The following CTNNA3 variants were observed in gnomAD, a reference collection of about 807,000 sequenced individuals.
CTNNA3 encodes catenin alpha 3.
In CTNNA3, 76 loss-of-function variants were observed where a neutral mutation model predicts 95.7. The ratio of observed to expected loss-of-function variants is 0.79; its 90% CI spans 0.66 to 0.96. The LOEUF (loss-of-function observed/expected upper bound fraction) is 0.96. Ranked by LOEUF, CTNNA3 falls within the 40% of genes least tolerant of loss-of-function variation. CTNNA3 has a pLI of 0.00. For missense variants in CTNNA3, 1,191 were observed against 1,089.8 expected, an observed-to-expected ratio of 1.09 and a Z score of -1.31; for synonymous variants, 431 against 374.4, an observed-to-expected ratio of 1.15 and a Z score of -1.74.
intron 1 of CTNNA3, among the ~76,000 whole-genome samples, chr10:67,671,363 T>C (rs896571402): frequency 6.6e-6 from 1 of 152,062 alleles, no homozygotes; most frequent in African/African-American, 2.4e-5. Flanking sequence ...TTTTCTTAAT[T>C]TTATTATTAT....
At chr10:65,925,386 C>T (rs1298056231) in intron 17 of CTNNA3, among the ~76,000 whole-genome samples, 1 of 152,130 alleles carries the variant, frequency 6.6e-6, no homozygotes, top group African/African-American at 2.4e-5. Context: ...GGTTCTCTTC[C>T]TCTCTACCTT....
intron 5 of CTNNA3, among the ~76,000 whole-genome samples, chr10:67,487,636 C>T (rs2133070348): frequency 6.6e-6 from 1 of 152,320 alleles, no homozygotes; most frequent in South Asian, 2.1e-4. Context: ...AGGATGAGCT[C>T]TGAAAAGCTA....
At chr10:67,340,067 C>T (rs1842127520) in intron 5 of CTNNA3, among the ~76,000 whole-genome samples, 1 of 152,112 alleles carries the variant, frequency 6.6e-6, no homozygotes, top group African/African-American at 2.4e-5. Context: ...TATTAATTGT[C>T]CTGCTTATAT....
intron 10 of CTNNA3, among the ~76,000 whole-genome samples, chr10:66,620,797 T>C (rs943482759): frequency 6.6e-6 from 1 of 152,156 alleles, no homozygotes; most frequent in African/African-American, 2.4e-5. Flanking sequence ...GAGATGAAAT[T>C]GTCAGCAAGG....
At chr10:66,456,337 T>A (rs936316775) in intron 11 of CTNNA3, among the ~76,000 whole-genome samples, 1 of 152,172 alleles carries the variant, frequency 6.6e-6, no homozygotes, top group African/African-American at 2.4e-5. Flanking sequence ...AGCTGATCAA[T>A]AAAGCAGAAG....
At chr10:66,136,235 C>T (rs972756816) in intron 13 of CTNNA3, among the ~76,000 whole-genome samples, 4 of 152,188 alleles carry the variant, frequency 2.6e-5, no homozygotes, top group African/African-American at 9.6e-5. Context: ...ATATAATACT[C>T]TTTATTGTAA....
chr10:67,546,112 G>A (rs1213845967), intron 3 of CTNNA3, among the ~76,000 whole-genome samples: 1 of 151,978 alleles, frequency 6.6e-6, no homozygotes, highest in Non-Finnish European at 1.5e-5. Context: ...AATTGACCAA[G>A]TAATTTCATG....
intron 5 of CTNNA3, among the ~76,000 whole-genome samples, chr10:67,319,821 G>A (rs1202660649): frequency 2.0e-5 from 3 of 151,520 alleles, no homozygotes; most frequent in African/African-American, 7.3e-5. Context: ...ACTTGAACCT[G>A]GGAGGTGGAG....
At chr10:66,007,770 CT>C (rs796515974) in intron 15 of CTNNA3, among the ~76,000 whole-genome samples, 89 of 118,236 alleles carry the variant, frequency 7.5e-4, no homozygotes, top group Non-Finnish European at 1.0e-3. Context: ...CCCTCCCTCT[CT>C]TCCTTCCTTT....
At position 66,228,874 on chromosome 10, in the gene CTNNA3, A is replaced by G. The variant is rs184254335; in HGVS notation, c.1884+51596T>C. 3.4e-4 allele frequency among the ~76,000 whole-genome samples: 51 copies of G among 152,226 alleles called. No homozygotes were observed. The Middle Eastern group carries it at 0.027, about 81-fold the overall frequency. On this transcript the variant is annotated intron_variant, in intron 13 of 17. Coordinates refer to ENST00000433211, the MANE Select transcript of CTNNA3 (RefSeq NM_013266.4). ...ATTGTGATATCTTCTTGCTGAATTTATTTATCATTATATAATAACTTTGTC... is the reference window on the plus strand; with the variant it reads ...ATTGTGATATCTTCTTGCTGAATTTGTTTATCATTATATAATAACTTTGTC...
chr10:66,548,762 T>G (rs968588011), intron 10 of CTNNA3, among the ~76,000 whole-genome samples: 1 of 152,044 alleles, frequency 6.6e-6, no homozygotes, highest in Admixed American at 6.6e-5. Context: ...AACTTTGCAC[T>G]TCCTGAAAAA....
intron 9 of CTNNA3, among the ~76,000 whole-genome samples, chr10:66,646,522 G>T (rs2894009): frequency 0.67 from 101,802 of 151,984 alleles, 35,076 homozygotes; most frequent in East Asian, 0.95. Flanking sequence ...TGGAAATACA[G>T]ACATCTTTTG....
intron 5 of CTNNA3, among the ~76,000 whole-genome samples, chr10:67,235,766 C>G (rs1398101094): frequency 6.9e-6 from 1 of 144,246 alleles, no homozygotes; most frequent in African/African-American, 2.7e-5. Context: ...ATCTACTCAT[C>G]TGACAAAGGG....
intron 7 of CTNNA3, among the ~76,000 whole-genome samples, chr10:66,944,571 C>A (rs1276683744): frequency 2.6e-5 from 4 of 152,072 alleles, no homozygotes; most frequent in Non-Finnish European, 5.9e-5. Context: ...GTGACTCTTA[C>A]CTTAAAGGTT....
intron 9 of CTNNA3, among the ~76,000 whole-genome samples, chr10:66,673,212 GCAC>G (rs1386440015): frequency 1.3e-5 from 2 of 151,994 alleles, no homozygotes; most frequent in African/African-American, 2.4e-5. Flanking sequence ...TCACCATTTA[GCAC>G]CACTTTAGTC....
At chr10:66,894,198 TA>T (rs888239064) in intron 7 of CTNNA3, among the ~76,000 whole-genome samples, 6 of 151,760 alleles carry the variant, frequency 4.0e-5, no homozygotes, top group Non-Finnish European at 7.4e-5. Flanking sequence ...TTTTTATAAT[TA>T]AAAAAAAGAA....
chr10:66,103,023 T>C (rs2081709839), intron 14 of CTNNA3, 134 bp downstream of exon 14: 5 of 696,580 alleles, frequency 7.2e-6, no homozygotes, highest in South Asian at 6.9e-5. Flanking sequence ...TGCTAAGGCT[T>C]TTCTCCATGT....
chr10:67,595,207 G>A (rs1362324986), intron 3 of CTNNA3, among the ~76,000 whole-genome samples: 1 of 151,914 alleles, frequency 6.6e-6, no homozygotes, highest in Non-Finnish European at 1.5e-5. Context: ...TGCTTTTCTA[G>A]TTCCTCTAGC....
intron 9 of CTNNA3, among the ~76,000 whole-genome samples, chr10:66,757,069 C>CA (rs1839389596): frequency 6.6e-6 from 1 of 152,166 alleles, no homozygotes; most frequent in African/African-American, 2.4e-5. Flanking sequence ...TGTCTGTCAA[C>CA]ACTAGGCCTG....
Sources: allele counts gnomAD v4.1 joint callset (sites outside exome capture counted in the v4.1 genomes callset), GRCh38; gene constraint gnomAD v4.1.1; transcripts MANE v1.5; gene names NCBI Gene and HGNC (gene_info 2026-07-23, HGNC 2026-07-21).